Variants in GSE1 observed in about 807,000 individuals in gnomAD.
The protein encoded by GSE1 is Gse1 coiled-coil protein, also known as genetic suppressor element 1.
Under a neutral mutation model 112.6 loss-of-function variants are expected in GSE1, and 32 were observed. The ratio of observed to expected loss-of-function variants is 0.28; its 90% CI spans 0.21 to 0.38. GSE1 has a LOEUF of 0.38. GSE1 is among the 10% of genes least tolerant of loss of function. GSE1 has a pLI of 1.00. For synonymous variants in GSE1, 1,115 were observed against 735.6 expected, an observed-to-expected ratio of 1.52 and a Z score of -8.35; for missense variants, 2,348 against 1,699.2, an observed-to-expected ratio of 1.38 and a Z score of -6.71.
At chr16:85,611,903 G>C (rs966511559), upstream of GSE1, among the ~76,000 whole-genome samples, 1 of 151,816 alleles carries the variant, frequency 6.6e-6, no homozygotes, top group African/African-American at 2.4e-5. Context: ...TCGCGGGGAC[G>C]GCAGCGTGCG....
rs1220436654 is a variant in GSE1 at position 85,550,032 on chromosome 16, G to C, written c.2465-83882G>C. ...TGTTATCTGAAACACAGGACTAATG[G>C]CTGCTCTGCTCATGGAGTCTCTGTG... On this transcript the variant is annotated intron_variant, in intron 2 of 2. Transcript: ENST00000637419. Among the ~76,000 whole-genome samples the C allele has an allele frequency of 2.0e-5, 3 of 152,324 alleles. No homozygotes were observed. In the East Asian group the frequency reaches 5.8e-4, roughly 29 times the overall value.
chr16:85,257,860 CTGAG>C (rs1298237490), intron 1 of GSE1, among the ~76,000 whole-genome samples: 1 of 152,226 alleles, frequency 6.6e-6, no homozygotes, highest in Non-Finnish European at 1.5e-5. Context: ...GAGTATCTCC[CTGAG>C]TATCTGGGAC....
chr16:85,599,707 C>T (rs147330409), intron 1 of GSE1, among the ~76,000 whole-genome samples: 1 of 152,236 alleles, frequency 6.6e-6, no homozygotes, highest in Non-Finnish European at 1.5e-5. Flanking sequence ...GCCCTACCCT[C>T]TCTTCCTTTC....
chr16:85,625,844 C>T (rs1386488218), intron 1 of GSE1, among the ~76,000 whole-genome samples: 2 of 152,104 alleles, frequency 1.3e-5, no homozygotes, highest in East Asian at 1.9e-4. Flanking sequence ...AGGGCAGCGT[C>T]TGGGGGCTCC....
exon 1 of GSE1, chr16:85,170,865 C>T: frequency 1.0e-6 from 1 of 985,582 alleles, no homozygotes; most frequent in Non-Finnish European, 1.2e-6. Flanking sequence ...TGCAGCGACT[C>T]TATGTGGTGC....
intron 1 of GSE1, among the ~76,000 whole-genome samples, chr16:85,279,395 C>T (rs889644583): frequency 2.6e-4 from 40 of 152,142 alleles, no homozygotes; most frequent in African/African-American, 9.4e-4. Context: ...TCACTTGAGC[C>T]CAGGAGTCTG....
intron 1 of GSE1, among the ~76,000 whole-genome samples, chr16:85,264,513 C>T (rs1421717597): frequency 6.6e-6 from 1 of 152,176 alleles, no homozygotes; most frequent in Non-Finnish European, 1.5e-5. Context: ...CTCTCCTCTG[C>T]ACCTGCCACT....
Position 85,675,514 on chromosome 16 carries a change from A to C in GSE1, c.*2975A>C, listed in dbSNP as rs1297201361. On this transcript the variant is annotated 3_prime_UTR_variant, in exon 16 of 16. Coordinates refer to ENST00000253458, the MANE Select transcript of GSE1 (RefSeq NM_014615.5). ...AATAAAGCACTGAATTGGGACTAAC[A>C]TTCTGATAGGTTGCACCCTTAAGAG... 6.6e-6 allele frequency: 1 copy of C among 152,244 alleles called. No homozygotes were observed. The highest frequency in any genetic ancestry group is 1.5e-5 in the Non-Finnish European group (1 of 68,034). The allele number at this position is 152,244 out of a possible 1,614,324, so 9.4% of individuals were successfully genotyped here.
intron 2 of GSE1, among the ~76,000 whole-genome samples, chr16:85,524,186 T>C (rs1185016503): frequency 6.6e-6 from 1 of 152,124 alleles, no homozygotes; most frequent in Non-Finnish European, 1.5e-5. Context: ...TGGCTGGCTC[T>C]CTCTGGCTGG....
At chr16:85,421,783 A>G (rs577335482) in intron 2 of GSE1, among the ~76,000 whole-genome samples, 9 of 152,252 alleles carry the variant, frequency 5.9e-5, no homozygotes, top group African/African-American at 2.2e-4. Context: ...CAGGAACCCC[A>G]GAGAGGTAGA....
chr16:85,234,768 G>A (rs1441468932), intron 1 of GSE1, among the ~76,000 whole-genome samples: 1 of 152,204 alleles, frequency 6.6e-6, no homozygotes, highest in Non-Finnish European at 1.5e-5. Context: ...CGCAGCAGCA[G>A]GGAGGAGCCG....
chr16:85,415,576 G>C (rs1022778665), intron 2 of GSE1, among the ~76,000 whole-genome samples: 3 of 152,244 alleles, frequency 2.0e-5, no homozygotes, highest in African/African-American at 7.2e-5. Flanking sequence ...ACCAGCCAGG[G>C]CCCCGAGCAA....
At chr16:85,570,994 C>T (rs1354719938) in intron 1 of GSE1, among the ~76,000 whole-genome samples, 2 of 152,126 alleles carry the variant, frequency 1.3e-5, no homozygotes, top group Admixed American at 6.5e-5. Flanking sequence ...GATTCTGAAG[C>T]GTTGGTTACT....
chr16:85,666,526 C>A, intron 13 of GSE1, 179 bp downstream of exon 13: 1 of 647,354 alleles, frequency 1.5e-6, no homozygotes, highest in Non-Finnish European at 2.6e-6. Flanking sequence ...TATCTCCAAG[C>A]TCTAAAACCT....
intron 1 of GSE1, among the ~76,000 whole-genome samples, chr16:85,332,865 G>C (rs1286040964): frequency 6.6e-6 from 1 of 152,006 alleles, no homozygotes; most frequent in Non-Finnish European, 1.5e-5. Flanking sequence ...CCGTGTGCTG[G>C]CCACCCAGGG....
At chr16:85,505,741 G>A (rs1010963029) in intron 2 of GSE1, among the ~76,000 whole-genome samples, 2 of 152,140 alleles carry the variant, frequency 1.3e-5, no homozygotes, top group Non-Finnish European at 2.9e-5. Context: ...AAGGTAGGCC[G>A]GGTGCGGTAA....
intron 1 of GSE1, among the ~76,000 whole-genome samples, chr16:85,625,801 C>G (rs569142285): frequency 6.6e-6 from 1 of 152,096 alleles, no homozygotes; most frequent in Non-Finnish European, 1.5e-5. Context: ...TGGCTCATTG[C>G]GGGTGGCTCT....
intron 1 of GSE1, among the ~76,000 whole-genome samples, chr16:85,588,860 CTG>C (rs1208486924): frequency 6.6e-6 from 1 of 152,160 alleles, no homozygotes; most frequent in Non-Finnish European, 1.5e-5. Flanking sequence ...CCCTCGGCCT[CTG>C]TACCTACTGC....
chr16:85,458,225 C>T (rs563402351), intron 2 of GSE1, among the ~76,000 whole-genome samples: 2 of 152,340 alleles, frequency 1.3e-5, no homozygotes, highest in South Asian at 4.1e-4. Context: ...GCCTCGCTCC[C>T]GGCTGGATGC....
Sources: gnomAD v4.1 joint callset for allele counts (sites outside exome capture counted in the v4.1 genomes callset) on GRCh38, gnomAD v4.1.1 for gene constraint, MANE v1.5 for transcripts, NCBI Gene and HGNC (gene_info 2026-07-23, HGNC 2026-07-21) for gene names.